The following CNOT4 variants were observed in gnomAD, a reference collection of about 807,000 sequenced individuals.
The protein encoded by CNOT4 is CCR4-associated factor 4.
CNOT4 carries 8 observed loss-of-function variants against 73.8 expected under a neutral mutation model. The ratio of observed to expected loss-of-function variants is 0.11; its 90% CI spans 0.06 to 0.20. CNOT4 has a LOEUF of 0.20. Ranked by LOEUF, CNOT4 falls within the 10% of genes least tolerant of loss-of-function variation. CNOT4 has a pLI of 1.00. For synonymous variants in CNOT4, 293 were observed against 321.1 expected (o/e 0.91, Z 0.94); for missense variants, 564 against 883.4 (o/e 0.64, Z 4.58).
intron 3 of CNOT4, among the ~76,000 whole-genome samples, chr7:135,420,419 A>G (rs1037772468): frequency 6.6e-6 from 1 of 151,938 alleles, no homozygotes; most frequent in Non-Finnish European, 1.5e-5. Flanking sequence ...TCTGCAAAAA[A>G]TACAAAAACT....
chr7:135,494,820 G>A (rs920330165), intron 1 of CNOT4, among the ~76,000 whole-genome samples: 1 of 152,054 alleles, frequency 6.6e-6, no homozygotes, highest in African/African-American at 2.4e-5. Context: ...TAACATCCAC[G>A]GAAAAGGCCC....
intron 2 of CNOT4, among the ~76,000 whole-genome samples, chr7:135,426,073 G>A (rs1311731227): frequency 6.6e-6 from 1 of 151,968 alleles, no homozygotes; most frequent in Non-Finnish European, 1.5e-5. Flanking sequence ...AATTATCCAG[G>A]CATGGTGGTG....
At chr7:135,508,004 C>T (rs1330697748) in intron 1 of CNOT4, among the ~76,000 whole-genome samples, 1 of 152,152 alleles carries the variant, frequency 6.6e-6, no homozygotes, top group Non-Finnish European at 1.5e-5. Flanking sequence ...CCTTAGTTTA[C>T]ATTTGGTAAA....
Position 135,363,732 on chromosome 7 carries a change from C to T in CNOT4, c.1840+122G>A. The stretch of plus-strand genomic sequence containing the variant: ...CATGACCCCTGAGAACGAAACAAGC[C>T]ACTCCACACTTGCGGCTTTGTGAAA... On this transcript the variant is annotated intron_variant, in intron 11 of 11. Coordinates refer to ENST00000541284, the MANE Select transcript of CNOT4 (RefSeq NM_001190850.2). The surrounding 1 kb of genome is among the most constrained non-coding windows in gnomAD (Gnocchi z 4.3). 3 of 752,780 alleles carry T rather than the reference C, an allele frequency of 4.0e-6. No homozygotes were observed. The South Asian group carries it at 5.9e-5, about 15-fold the overall frequency. 46.6% of individuals were successfully genotyped at this position (752,780 alleles called of 1,614,324 possible).
intron 1 of CNOT4, among the ~76,000 whole-genome samples, chr7:135,453,740 G>A (rs1585667758): frequency 1.4e-5 from 2 of 140,532 alleles, no homozygotes; most frequent in Non-Finnish European, 3.1e-5. Context: ...ATATATATAT[G>A]TTATATTATA....
In CNOT4 at chr7:135,438,312, G is replaced by C. The variant is rs17480616; in HGVS notation, c.20C>G (p.Ala7Gly). The part of the protein sequence containing the change: MSRSPD[A>G]KEDPVECPLC... ...AGGGCACTCCACAGGGTCTTCCTTC[G>C]CATCAGGACTGCGAGACATCTTCAC... Residue 7 changes from alanine (A) to glycine (G), a missense_variant, in exon 2 of 12, where the codon GCG (alanine) becomes GGG (glycine). Coordinates refer to ENST00000541284, the MANE Select transcript of CNOT4 (RefSeq NM_001190850.2). 39,452 of 1,608,360 alleles carry C rather than the reference G, an allele frequency of 0.025. 576 individuals are homozygous for C. The highest frequency in any genetic ancestry group is 0.03 in the Non-Finnish European group (35,529 of 1,177,538).
At chr7:135,486,292 A>G (rs1802716317) in intron 1 of CNOT4, among the ~76,000 whole-genome samples, 1 of 152,232 alleles carries the variant, frequency 6.6e-6, no homozygotes, top group Admixed American at 6.5e-5. Context: ...AAGGCCAATA[A>G]GCATATGAAA....
At position 135,362,900 on chromosome 7, in the gene CNOT4, T is replaced by G. The variant is rs752475265; in HGVS notation, c.2127A>C (p.Thr709=). The part of the protein sequence containing the change: ...KTPTDLLQSS[T]LDRH ...TCCTCTTTGCCTAATGGCGGTCCAG[T>G]GTTGAACTCTGTAGTAAATCTGTGG... is the stretch of plus-strand genomic sequence containing the variant. Residue 709 remains threonine (T), a synonymous_variant, in exon 12 of 12, where the codon ACA becomes ACC. Transcript: ENST00000541284. The G allele has an allele frequency of 1.2e-6, 2 of 1,612,928 alleles. No individual in the cohort carries two copies. Among genetic ancestry groups the G allele is most frequent in the Non-Finnish European group, 8.5e-7 (1 of 1,179,696 alleles).
At chr7:135,451,933 G>A (rs1473409953) in intron 1 of CNOT4, among the ~76,000 whole-genome samples, 3 of 152,166 alleles carry the variant, frequency 2.0e-5, no homozygotes, top group African/African-American at 7.2e-5. Context: ...TGTATATGGA[G>A]GATGGCAGAG....
chr7:135,371,496 C>G (rs1198540589), intron 10 of CNOT4, among the ~76,000 whole-genome samples: 1 of 151,900 alleles, frequency 6.6e-6, no homozygotes, highest in African/African-American at 2.4e-5. Context: ...AAAGGGCATC[C>G]CATAGAGAAC....
At chr7:135,420,754 A>G (rs1798143776) in intron 3 of CNOT4, among the ~76,000 whole-genome samples, 1 of 151,874 alleles carries the variant, frequency 6.6e-6, no homozygotes, top group South Asian at 2.1e-4. Flanking sequence ...TAAAAGGATT[A>G]GTGCAAAGTT....
chr7:135,407,397 G>A (rs1337203660), intron 7 of CNOT4, among the ~76,000 whole-genome samples: 1 of 152,106 alleles, frequency 6.6e-6, no homozygotes, highest in East Asian at 1.9e-4. Context: ...CTCAATAAAT[G>A]AGGAATAACA....
chr7:135,458,958 A>C (rs1800710813), intron 1 of CNOT4, among the ~76,000 whole-genome samples: 1 of 152,054 alleles, frequency 6.6e-6, no homozygotes, highest in Non-Finnish European at 1.5e-5. Context: ...AGAATGATGA[A>C]TCCTTTCCAG....
rs115902727 is a variant in CNOT4 at position 135,497,921 on chromosome 7, T to A, written c.-93+11968A>T. On this transcript the variant is annotated intron_variant, in intron 1 of 11. Coordinates refer to ENST00000541284, the MANE Select transcript of CNOT4 (RefSeq NM_001190850.2). ...CTGAATTAATAGAGAAATTCAAAGA[T>A]GAATGTTTTTTATTCCTTCAAATGC... Among the ~76,000 whole-genome samples the A allele has an allele frequency of 9.5e-4, 145 of 152,338 alleles. 1 individual carries two copies. Among genetic ancestry groups the A allele is most frequent in the African/African-American group, 3.3e-3 (139 of 41,596 alleles).
intron 10 of CNOT4, among the ~76,000 whole-genome samples, chr7:135,385,468 C>T (rs1472724258): frequency 6.6e-6 from 1 of 152,150 alleles, no homozygotes; most frequent in South Asian, 2.1e-4. Context: ...GAACACTGTA[C>T]AAATAGGAGT....
intron 2 of CNOT4, among the ~76,000 whole-genome samples, chr7:135,431,180 G>C (rs1798812844): frequency 6.6e-6 from 1 of 152,324 alleles, no homozygotes; most frequent in Admixed American, 6.5e-5. Flanking sequence ...CAGAAGTACT[G>C]CTTGAGCCCA....
intron 7 of CNOT4, among the ~76,000 whole-genome samples, chr7:135,405,795 G>C (rs1200331252): frequency 6.6e-6 from 1 of 152,126 alleles, no homozygotes; most frequent in African/African-American, 2.4e-5. Context: ...AGGATTAATA[G>C]CTATGGTAAT....
chr7:135,375,695 C>T (rs894709367), intron 10 of CNOT4, among the ~76,000 whole-genome samples: 4 of 152,030 alleles, frequency 2.6e-5, no homozygotes, highest in Non-Finnish European at 5.9e-5. Context: ...GAGGCCGAGG[C>T]GGGAGGATCA....
intron 7 of CNOT4, among the ~76,000 whole-genome samples, chr7:135,408,822 A>T (rs1462650011): frequency 6.6e-6 from 1 of 152,194 alleles, no homozygotes; most frequent in Non-Finnish European, 1.5e-5. Context: ...TCTCATCAAC[A>T]TTGTAACAAA....
Sources: gnomAD v4.1 joint callset for allele counts (sites outside exome capture counted in the v4.1 genomes callset) on GRCh38, gnomAD v4.1.1 for gene constraint, Gnocchi (gnomAD v3.1) non-coding constraint, MANE v1.5 for transcripts, NCBI Gene and HGNC (gene_info 2026-07-23, HGNC 2026-07-21) for gene names.